The following PKHD1 variants were observed in gnomAD, a reference collection of about 807,000 sequenced individuals.
PKHD1 encodes the protein PKHD1 ciliary IPT domain containing fibrocystin/polyductin.
Under a neutral mutation model 412.0 loss-of-function variants are expected in PKHD1, and 291 were observed. The ratio of observed to expected loss-of-function variants is 0.71; its 90% CI spans 0.64 to 0.78. The LOEUF is 0.78. PKHD1 is among the 30% of genes least tolerant of loss of function. The pLI, the probability that PKHD1 is intolerant of heterozygous loss-of-function variation, is 0.00. For missense variants in PKHD1, 4,825 were observed against 4,950.7 expected, an observed-to-expected ratio of 0.97 and a Z score of 0.76; for synonymous variants, 1,777 against 1,821.5, an observed-to-expected ratio of 0.98 and a Z score of 0.62.
chr6:51,971,708 T>TTTTTG (rs141477157), intron 35 of PKHD1, among the ~76,000 whole-genome samples: 2,119 of 149,628 alleles, frequency 0.014, 36 homozygotes, highest in African/African-American at 0.034. Flanking sequence ...TTTTTTTTGC[T>TTTTTG]TTTTGTTTTG....
intron 53 of PKHD1, among the ~76,000 whole-genome samples, chr6:51,781,708 T>C (rs181604845): frequency 6.6e-6 from 1 of 152,126 alleles, no homozygotes; most frequent in Admixed American, 6.6e-5. Context: ...ATATTAATAA[T>C]AGTAGTTAAA....
intron 43 of PKHD1, among the ~76,000 whole-genome samples, chr6:51,900,092 C>A (rs1287948615): frequency 2.0e-5 from 3 of 152,202 alleles, no homozygotes; most frequent in South Asian, 2.1e-4. Context: ...GCCATACTGC[C>A]CAAGGTAATT....
At chr6:51,793,607 C>T (rs992654495) in intron 52 of PKHD1, among the ~76,000 whole-genome samples, 54 of 152,208 alleles carry the variant, frequency 3.5e-4, no homozygotes, top group Non-Finnish European at 5.7e-4. Context: ...CAAGCAAGAA[C>T]ACGTGGTATT....
intron 60 of PKHD1, among the ~76,000 whole-genome samples, chr6:51,742,973 CG>C (rs1562209488): frequency 1.4e-4 from 21 of 151,810 alleles, no homozygotes. Flanking sequence ...CCAGCACAAA[CG>C]CCCTGATGTA....
chr6:51,868,158 A>C (rs1470592199), intron 47 of PKHD1, 49 bp from the exon 48 acceptor site: 1 of 1,442,762 alleles, frequency 6.9e-7, no homozygotes. Flanking sequence ...ACAAATAGCA[A>C]CTAAATTCAC....
intron 57 of PKHD1, among the ~76,000 whole-genome samples, chr6:51,751,962 A>G (rs1271434884): frequency 6.6e-6 from 1 of 152,184 alleles, no homozygotes; most frequent in Non-Finnish European, 1.5e-5. Flanking sequence ...AAGGATCAGC[A>G]TTGTTAGAAG....
At chr6:51,721,576 T>G (rs2150828121) in intron 60 of PKHD1, 1 of 1,004,584 alleles carries the variant, frequency 1.0e-6, no homozygotes, top group East Asian at 1.0e-4. Flanking sequence ...ATTTAATATC[T>G]GAATTGCTCC....
At chr6:51,806,624 C>T (rs1763823707) in intron 52 of PKHD1, among the ~76,000 whole-genome samples, 1 of 152,038 alleles carries the variant, frequency 6.6e-6, no homozygotes, top group Admixed American at 6.6e-5. Context: ...AGCTTCACAA[C>T]TAGAAAATGT....
chr6:51,862,032 T>C (rs1224321246), intron 48 of PKHD1, among the ~76,000 whole-genome samples: 2 of 152,126 alleles, frequency 1.3e-5, no homozygotes, highest in East Asian at 3.9e-4. Context: ...GTCAGGGATA[T>C]TGAAAAATAT....
At position 51,906,225 on chromosome 6, in the gene PKHD1, C is replaced by T. The variant is rs747038764; in HGVS notation, c.6798G>A (p.Ala2266=). The T allele has an allele frequency of 1.4e-5, 23 of 1,611,818 alleles. No individual in the cohort carries two copies. The highest frequency in any genetic ancestry group is 1.2e-4 in the South Asian group (11 of 91,048). Residue 2266 remains alanine, a synonymous_variant, in exon 41 of 67, where the codon GCG becomes GCA. Coordinates refer to ENST00000371117, the MANE Select transcript of PKHD1 (RefSeq NM_138694.4). ...SNVFYNILGH[A]LLVGTCTEMR... is the part of the protein sequence containing the mutation. ...GCTTGTTTTACTTACCAACTAGCAG[C>T]GCATGACCTAAAATATTGTAGAATA... is the stretch of plus-strand genomic sequence containing the variant.
intron 61 of PKHD1, among the ~76,000 whole-genome samples, chr6:51,654,888 T>C (rs1350345400): frequency 6.6e-6 from 1 of 152,138 alleles, no homozygotes; most frequent in Non-Finnish European, 1.5e-5. Flanking sequence ...TAAGCCTGGG[T>C]ATTATGCAAT....
In PKHD1 at chr6:51,659,213, C is replaced by T. The variant is rs1383087730; in HGVS notation, c.10913G>A (p.Arg3638Lys). ...TSHYRRVGQR[R>K]PLMMEMNSHR... ...TGAGTTCATTTCCATCATGAGAGGC[C>T]TACGTTGACCAACTCTTCTATAATG... Residue 3638 changes from arginine to lysine, a missense_variant, in exon 61 of 67, where the codon AGG (arginine) becomes AAG (lysine). By Grantham distance (26) the Arg-to-Lys change is conservative. Coordinates refer to ENST00000371117, the MANE Select transcript of PKHD1 (RefSeq NM_138694.4). 4 of 1,613,790 alleles carry T rather than the reference C, an allele frequency of 2.5e-6. No homozygotes were observed. Among genetic ancestry groups the T allele is most frequent in the African/African-American group, 1.3e-5 (1 of 74,992 alleles).
At chr6:51,890,745 A>G (rs1396753440) in intron 43 of PKHD1, among the ~76,000 whole-genome samples, 1 of 152,170 alleles carries the variant, frequency 6.6e-6, no homozygotes, top group Non-Finnish European at 1.5e-5. Context: ...AGAGAGATAC[A>G]TGGGTAGGGG....
In PKHD1 at chr6:52,065,010, A is replaced by G; in HGVS notation, c.921T>C (p.Ile307=). 6.2e-7 allele frequency: 1 copy of G among 1,602,484 alleles called. No individual in the cohort carries two copies. Among genetic ancestry groups the G allele is most frequent in the Non-Finnish European group, 8.5e-7 (1 of 1,175,266 alleles). ...CDIRHVSPRK[I]ECTTRAPGKD... ...TTCCTGGAGCCCGAGTGGTGCACTC[A>G]ATCTTCCTGGGAGACACGTGTCTAA... is the stretch of plus-strand genomic sequence containing the variant. The change falls in exon 13 of 67, where the codon ATT becomes ATC. Residue 307 remains isoleucine (I), a synonymous_variant. Coordinates refer to ENST00000371117, the MANE Select transcript of PKHD1 (RefSeq NM_138694.4).
At chr6:51,959,416 T>C (rs1223288171) in intron 36 of PKHD1, among the ~76,000 whole-genome samples, 1 of 152,132 alleles carries the variant, frequency 6.6e-6, no homozygotes, top group Non-Finnish European at 1.5e-5. Flanking sequence ...GGTTTTGCAA[T>C]AAGAAAGCCT....
rs1781954412 is a variant in PKHD1, at chr6:51,721,779, T to C, written c.10156+22606A>G. 4 of 1,426,990 alleles carry C rather than the reference T, an allele frequency of 2.8e-6. No individual in the cohort carries two copies. In the East Asian group the frequency reaches 7.6e-5, roughly 27 times the overall value. 88.4% of individuals were successfully genotyped at this position (1,426,990 alleles called of 1,614,324 possible). A position where few individuals can be genotyped will look rare whatever the true frequency, so the allele number is the denominator to read the frequency against. On this transcript the variant is annotated intron_variant, in intron 60 of 66. Coordinates refer to ENST00000371117, the MANE Select transcript of PKHD1 (RefSeq NM_138694.4). The stretch of plus-strand genomic sequence containing the variant: ...GAGTAAGCAAACTCTATTTCCTCTC[T>C]TTTGTATTTCTTTGATCTGTACCAT...
rs890131249 is a variant in PKHD1, at chr6:51,906,349, G to C, written c.6683-9C>G. On this transcript the variant is annotated splice_polypyrimidine_tract_variant and intron_variant, in intron 40 of 66. Transcript: ENST00000371117. The stretch of plus-strand genomic sequence containing the variant: ...GCCCTGTATGAAAGACTCTGAATAG[G>C]AAAGAGTAAAGTAAAAATTAGATAT... 3.1e-6 allele frequency: 5 copies of C among 1,609,232 alleles called. No individual in the cohort carries two copies. Among genetic ancestry groups the C allele is most frequent in the Non-Finnish European group, 4.3e-6 (5 of 1,176,086 alleles).
chr6:51,690,743 A>G (rs776323522), intron 60 of PKHD1, among the ~76,000 whole-genome samples: 38 of 152,352 alleles, frequency 2.5e-4, no homozygotes, highest in Admixed American at 3.9e-4. Flanking sequence ...ACCATTCAGG[A>G]CACAGGCATG....
Position 51,744,400 on chromosome 6 carries a change from A to G in PKHD1, c.10141T>C (p.Ser3381Pro), listed in dbSNP as rs1322177824. 1 of 1,613,942 alleles carries G rather than the reference A, an allele frequency of 6.2e-7. No individual in the cohort carries two copies. The highest frequency in any genetic ancestry group is 8.5e-7 in the Non-Finnish European group (1 of 1,179,828). Reference sequence around the variant, plus strand: ...TATAGCTTACCTGCGTTGAAGAAGGATGCAGTCCATTCTGCCTCTGTTTTA... The same window carrying G: ...TATAGCTTACCTGCGTTGAAGAAGGGTGCAGTCCATTCTGCCTCTGTTTTA... ...FPKTEAEWTA[S>P]FFNAGTFREE... Residue 3381 changes from serine (S) to proline (P), a missense_variant, in exon 60 of 67, where the codon TCC (serine) becomes CCC (proline). Coordinates refer to ENST00000371117, the MANE Select transcript of PKHD1 (RefSeq NM_138694.4).
Sources: gnomAD v4.1 joint callset for allele counts (sites outside exome capture counted in the v4.1 genomes callset) on GRCh38, gnomAD v4.1.1 for gene constraint, MANE v1.5 for transcripts, NCBI Gene and HGNC (gene_info 2026-07-23, HGNC 2026-07-21) for gene names.